IGF1R: variants seen among roughly 807,000 people sequenced by gnomAD.
IGF1R encodes insulin-like growth factor 1 receptor.
In IGF1R, 44 loss-of-function variants were observed where a neutral mutation model predicts 144.6. The ratio of observed to expected loss-of-function variants is 0.30; its 90% CI spans 0.24 to 0.39. The LOEUF is 0.39. Among genes scored for constraint, IGF1R ranks in the 10% least tolerant of loss-of-function variants. IGF1R has a pLI of 1.00. For missense variants in IGF1R, 1,355 were observed against 1,833.7 expected (o/e 0.74, Z 4.77); for synonymous variants, 795 against 722.8 (o/e 1.10, Z -1.60).
At chr15:98,686,957 A>T (rs1021709614) in intron 1 of IGF1R, among the ~76,000 whole-genome samples, 1 of 152,208 alleles carries the variant, frequency 6.6e-6, no homozygotes, top group East Asian at 1.9e-4. Flanking sequence ...GGCGTGAGCC[A>T]CTGCACCTGG....
intron 2 of IGF1R, among the ~76,000 whole-genome samples, chr15:98,724,881 G>T (rs191141043): frequency 1.8e-4 from 28 of 152,330 alleles, no homozygotes; most frequent in African/African-American, 6.0e-4. Flanking sequence ...ATCGGCCCTG[G>T]AATAGAGAAG....
At chr15:98,757,697 T>G (rs553078096) in intron 2 of IGF1R, among the ~76,000 whole-genome samples, 1 of 152,198 alleles carries the variant, frequency 6.6e-6, no homozygotes, top group Admixed American at 6.5e-5. Flanking sequence ...TGGTATACTC[T>G]TGTTCAATTG....
intron 2 of IGF1R, among the ~76,000 whole-genome samples, chr15:98,867,655 A>G (rs1013101387): frequency 1.2e-4 from 19 of 152,194 alleles, no homozygotes; most frequent in African/African-American, 4.3e-4. Context: ...TATGTCTCTT[A>G]GCCCTCACAA....
chr15:98,835,080 T>TACACACACACACAC (rs34443123), intron 2 of IGF1R, among the ~76,000 whole-genome samples: 109 of 130,494 alleles, frequency 8.4e-4, no homozygotes, highest in Middle Eastern at 3.9e-3. Context: ...ACACCCCCCC[T>TACACACACACACAC]ACACACACAC....
chr15:98,886,632 C>T (rs1018544672), intron 2 of IGF1R, among the ~76,000 whole-genome samples: 5 of 152,094 alleles, frequency 3.3e-5, no homozygotes, highest in African/African-American at 7.2e-5. Context: ...CCCATAGCGC[C>T]GTAATTGGAA....
intron 2 of IGF1R, among the ~76,000 whole-genome samples, chr15:98,753,367 C>A (rs1292915078): frequency 1.3e-5 from 2 of 149,432 alleles, no homozygotes; most frequent in Non-Finnish European, 3.0e-5. Context: ...CAAGTATGCA[C>A]CACCATACCT....
At chr15:98,809,460 G>T (rs1167720451) in intron 2 of IGF1R, among the ~76,000 whole-genome samples, 1 of 152,186 alleles carries the variant, frequency 6.6e-6, no homozygotes, top group African/African-American at 2.4e-5. Flanking sequence ...GGCTTGCCTG[G>T]TGCCAGGGCT....
At chr15:98,844,033 C>T (rs2011227503) in intron 2 of IGF1R, among the ~76,000 whole-genome samples, 2 of 152,126 alleles carry the variant, frequency 1.3e-5, no homozygotes, top group African/African-American at 4.8e-5. Context: ...CAATTTATGG[C>T]TATGTAAGTG....
chr15:98,707,547 C>G lies in IGF1R; in HGVS notation c.95-15C>G. 6.2e-7 allele frequency: 1 copy of G among 1,613,862 alleles called. No homozygotes were observed. ...TCCTTCTAACTGAGACGTTTACCCTCTTGTCTCCCTTCAGTCTGCGGGCCA... is the reference window on the plus strand; with the variant it reads ...TCCTTCTAACTGAGACGTTTACCCTGTTGTCTCCCTTCAGTCTGCGGGCCA... On this transcript the variant is annotated splice_polypyrimidine_tract_variant and intron_variant, in intron 1 of 20. Coordinates refer to ENST00000650285, the MANE Select transcript of IGF1R (RefSeq NM_000875.5). This position sits in a 1 kb window ranked among gnomAD's most constrained non-coding sequence, Gnocchi z 6.7.
intron 2 of IGF1R, among the ~76,000 whole-genome samples, chr15:98,826,382 A>G (rs1004990516): frequency 6.6e-6 from 1 of 152,218 alleles, no homozygotes; most frequent in Non-Finnish European, 1.5e-5. Flanking sequence ...ATATTTTTGG[A>G]ATGCAATGTA....
chr15:98,702,035 T>TTC (rs1207416635), intron 1 of IGF1R, among the ~76,000 whole-genome samples: 1 of 146,908 alleles, frequency 6.8e-6, no homozygotes, highest in Non-Finnish European at 1.5e-5. Context: ...GTCACGCTGT[T>TTC]TTTTTTTTTT....
At chr15:98,951,872 T>C (rs1389084669) in intron 20 of IGF1R, among the ~76,000 whole-genome samples, 2 of 152,226 alleles carry the variant, frequency 1.3e-5, no homozygotes, top group Non-Finnish European at 2.9e-5. Flanking sequence ...ACTCTGCCAC[T>C]GTGGAGCAAA....
chr15:98,710,939 G>A (rs1699858661), intron 2 of IGF1R, among the ~76,000 whole-genome samples: 1 of 152,146 alleles, frequency 6.6e-6, no homozygotes, highest in African/African-American at 2.4e-5. Context: ...CAAAGTGTTA[G>A]GATTACAGGT....
chr15:98,907,613 C>T (rs1415557483), intron 5 of IGF1R, among the ~76,000 whole-genome samples: 2 of 152,232 alleles, frequency 1.3e-5, no homozygotes, highest in Non-Finnish European at 2.9e-5. Flanking sequence ...TCAACCCTGG[C>T]ATTGTCTGCT....
At chr15:98,658,454 G>A (rs145369408) in intron 1 of IGF1R, among the ~76,000 whole-genome samples, 151 of 152,306 alleles carry the variant, frequency 9.9e-4, no homozygotes, top group African/African-American at 3.5e-3. Context: ...ACAACAGAAT[G>A]AAAACCTTTT....
chr15:98,669,406 C>G (rs1056015544), intron 1 of IGF1R, among the ~76,000 whole-genome samples: 2 of 152,186 alleles, frequency 1.3e-5, no homozygotes. Context: ...TTTCAGGGAA[C>G]TAGTGACCCT....
chr15:98,958,197 T>A lies in IGF1R; in HGVS notation c.*755T>A, dbSNP rs954829552. 1.3e-5 allele frequency: 3 copies of A among 232,728 alleles called. No homozygotes were observed. The highest frequency in any genetic ancestry group is 2.5e-5 in the Non-Finnish European group (3 of 117,696). 14.4% of individuals were successfully genotyped at this position (232,728 alleles called of 1,614,324 possible). On this transcript the variant is annotated 3_prime_UTR_variant, in exon 21 of 21. Coordinates refer to ENST00000650285, the MANE Select transcript of IGF1R (RefSeq NM_000875.5). ...GCTCAAGGCCACAGGCACACAGGTCTCATTGCTTCTGACTAGATTATTATT... is the reference window on the plus strand; with the variant it reads ...GCTCAAGGCCACAGGCACACAGGTCACATTGCTTCTGACTAGATTATTATT...
intron 2 of IGF1R, among the ~76,000 whole-genome samples, chr15:98,829,036 A>G (rs964073704): frequency 1.3e-5 from 2 of 152,162 alleles, no homozygotes; most frequent in African/African-American, 4.8e-5. Context: ...AAAGTCCCCA[A>G]GGGCTTCTTA....
chr15:98,922,338 T>C lies in IGF1R; in HGVS notation c.2392T>C (p.Leu798=). 1 of 1,614,144 alleles carries C rather than the reference T, an allele frequency of 6.2e-7. No homozygotes were observed. Among genetic ancestry groups the C allele is most frequent in the Non-Finnish European group, 8.5e-7 (1 of 1,180,010 alleles). ...TVISNLRPFT[L]YRIDIHSCNH... is the part of the protein sequence containing the mutation. ...CATTTCTAACCTTCGGCCTTTCACA[T>C]TGTACCGCATCGATATCCACAGCTG... Residue 798 remains leucine, a synonymous_variant, in exon 11 of 21, where the codon TTG becomes CTG. Transcript: ENST00000650285.
Sources: allele counts gnomAD v4.1 joint callset (sites outside exome capture counted in the v4.1 genomes callset), GRCh38; gene constraint gnomAD v4.1.1; non-coding constraint Gnocchi (gnomAD v3.1); transcripts MANE v1.5; gene names NCBI Gene and HGNC (gene_info 2026-07-23, HGNC 2026-07-21).